Variants in FNIP1 observed in about 807,000 individuals in gnomAD.
The protein encoded by FNIP1 is folliculin-interacting protein 1.
FNIP1 carries 40 observed loss-of-function variants against 124.5 expected under a neutral mutation model. The observed-to-expected ratio is 0.32, with a 90% CI of 0.25 to 0.42. The LOEUF (loss-of-function observed/expected upper bound fraction) is 0.42. FNIP1 is among the 10% of genes least tolerant of loss of function. The probability of loss-of-function intolerance (pLI) is 1.00; values close to 1 mark genes in which losing one functional copy is unlikely to be tolerated. For synonymous variants in FNIP1, 472 were observed against 470.6 expected (o/e 1.00, Z -0.04); for missense variants, 1,176 against 1,403.7 (o/e 0.84, Z 2.59).
intron 11 of FNIP1, among the ~76,000 whole-genome samples, chr5:131,697,821 T>C (rs1316141354): frequency 6.6e-6 from 1 of 150,906 alleles, no homozygotes; most frequent in Non-Finnish European, 1.5e-5. Flanking sequence ...AAAAAAAAAT[T>C]AGCCAAGCAT....
chr5:131,677,110 T>A (rs1767934295), intron 13 of FNIP1, among the ~76,000 whole-genome samples: 1 of 152,244 alleles, frequency 6.6e-6, no homozygotes, highest in African/African-American at 2.4e-5. Flanking sequence ...TCATCTACTA[T>A]TATTCCTACT....
intron 2 of FNIP1, among the ~76,000 whole-genome samples, chr5:131,733,683 T>A (rs1432863575): frequency 6.6e-6 from 1 of 152,330 alleles, no homozygotes; most frequent in African/African-American, 2.4e-5. Context: ...TGAAGCCCAC[T>A]TGATCATGGT....
At chr5:131,709,325 A>G (rs1769215998) in intron 7 of FNIP1, 53 bp from the exon 8 acceptor site, 1 of 1,436,604 alleles carries the variant, frequency 7.0e-7, no homozygotes, top group Non-Finnish European at 9.8e-7. Flanking sequence ...ATTCAGGTGG[A>G]TGAACAGCTC....
chr5:131,771,093 C>T (rs1395530808), intron 1 of FNIP1, among the ~76,000 whole-genome samples: 5 of 152,096 alleles, frequency 3.3e-5, no homozygotes, highest in Non-Finnish European at 7.4e-5. Flanking sequence ...CCCCACTCCC[C>T]ACAACAGTCC....
intron 1 of FNIP1, among the ~76,000 whole-genome samples, chr5:131,779,145 AT>A (rs1445676357): frequency 5.7e-4 from 85 of 150,240 alleles, no homozygotes; most frequent in Non-Finnish European, 8.1e-4. Context: ...TTAAAGTATA[AT>A]TAAAAAAAAA....
chr5:131,658,126 T>C (rs892920434), intron 15 of FNIP1, among the ~76,000 whole-genome samples: 2 of 150,146 alleles, frequency 1.3e-5, no homozygotes, highest in African/African-American at 4.9e-5. Flanking sequence ...AAAAGACAAC[T>C]CGATAGAGAC....
chr5:131,775,175 C>T (rs1233572893), intron 1 of FNIP1, among the ~76,000 whole-genome samples: 3 of 152,140 alleles, frequency 2.0e-5, no homozygotes, highest in Admixed American at 6.5e-5. Context: ...ATCTAGTTTC[C>T]AGTTCCAAAC....
intron 2 of FNIP1, among the ~76,000 whole-genome samples, chr5:131,734,701 A>G (rs1770227266): frequency 6.6e-6 from 1 of 152,382 alleles, no homozygotes; most frequent in African/African-American, 2.4e-5. Flanking sequence ...GCCAACAGAC[A>G]CATGAAAAAA....
At chr5:131,687,792 C>G (rs1283377789) in intron 11 of FNIP1, among the ~76,000 whole-genome samples, 2 of 152,134 alleles carry the variant, frequency 1.3e-5, no homozygotes, top group African/African-American at 4.8e-5. Context: ...GTGACAAAAA[C>G]TCCTAGGGAC....
At chr5:131,742,529 C>T (rs905456210) in intron 2 of FNIP1, among the ~76,000 whole-genome samples, 1 of 152,088 alleles carries the variant, frequency 6.6e-6, no homozygotes, top group Admixed American at 6.6e-5. Flanking sequence ...ATTAAATGGT[C>T]AAAATAATAT....
chr5:131,686,710 A>T (rs980540861), intron 11 of FNIP1, among the ~76,000 whole-genome samples: 2 of 152,140 alleles, frequency 1.3e-5, no homozygotes, highest in Admixed American at 1.3e-4. Flanking sequence ...AAAATGTACA[A>T]CTAAATTATT....
rs1211759857 is a variant in FNIP1, at chr5:131,796,911, G to T, written c.11C>A (p.Thr4Lys). MAP[T>K]LFQKLFSKRT... The stretch of plus-strand genomic sequence containing the variant: ...CTTGCTGAAGAGCTTCTGGAACAGC[G>T]TAGGGGCCATGCTAGCCACGGCCAG... Residue 4 changes from threonine to lysine, a missense_variant, in exon 1 of 18, where the codon ACG becomes AAG. Physicochemically the swap from Thr to Lys is moderately conservative, Grantham distance 78 (BLOSUM62 -1). This residue lies in a region of FNIP1 where 1,109 missense variants were observed against 1,288.5 expected (regional missense o/e 0.86). Transcript: ENST00000510461. 1 of 1,607,290 alleles carries T rather than the reference G, an allele frequency of 6.2e-7. No individual in the cohort carries two copies. The highest frequency in any genetic ancestry group is 1.7e-5 in the Admixed American group (1 of 59,472).
At chr5:131,723,341 AG>A (rs1769739714) in intron 3 of FNIP1, among the ~76,000 whole-genome samples, 1 of 152,212 alleles carries the variant, frequency 6.6e-6, no homozygotes, top group Non-Finnish European at 1.5e-5. Flanking sequence ...TTAAATACCA[AG>A]GCATTTATTT....
At chr5:131,736,820 A>G (rs1770322583) in intron 2 of FNIP1, among the ~76,000 whole-genome samples, 1 of 152,194 alleles carries the variant, frequency 6.6e-6, no homozygotes. Context: ...TTTTTGCTGT[A>G]TTGTGGTTAC....
At chr5:131,788,510 A>C (rs1772291420) in intron 1 of FNIP1, among the ~76,000 whole-genome samples, 1 of 152,078 alleles carries the variant, frequency 6.6e-6, no homozygotes, top group African/African-American at 2.4e-5. Flanking sequence ...TCTCTACTAA[A>C]AATACAAAAA....
chr5:131,713,517 T>C (rs1320477900), intron 6 of FNIP1, among the ~76,000 whole-genome samples: 1 of 152,238 alleles, frequency 6.6e-6, no homozygotes, highest in Non-Finnish European at 1.5e-5. Context: ...ACTTCTATTA[T>C]TTTTAAATTA....
intron 11 of FNIP1, among the ~76,000 whole-genome samples, chr5:131,693,351 T>TAC (rs1768577641): frequency 1.5e-5 from 2 of 133,636 alleles, no homozygotes; most frequent in Non-Finnish European, 3.1e-5. Flanking sequence ...TATATATATA[T>TAC]ATATATATAT....
At chr5:131,696,295 T>C (rs954891370) in intron 11 of FNIP1, among the ~76,000 whole-genome samples, 2 of 152,136 alleles carry the variant, frequency 1.3e-5, no homozygotes, top group South Asian at 4.1e-4. Flanking sequence ...ACTTCATCTA[T>C]AAAAAACATG....
At chr5:131,792,309 C>T (rs982576842) in intron 1 of FNIP1, among the ~76,000 whole-genome samples, 1 of 151,842 alleles carries the variant, frequency 6.6e-6, no homozygotes, top group Non-Finnish European at 1.5e-5. Flanking sequence ...TACAGGCGCC[C>T]GCCACCACAC....
Sources: gnomAD v4.1 joint callset for allele counts (sites outside exome capture counted in the v4.1 genomes callset) on GRCh38, gnomAD v4.1.1 for gene constraint, gnomAD v4.1.1 regional missense constraint, MANE v1.5 for transcripts, NCBI Gene and HGNC (gene_info 2026-07-23, HGNC 2026-07-21) for gene names.